The following CDKAL1 variants were observed in gnomAD, a reference collection of about 807,000 sequenced individuals.
CDKAL1 encodes the protein CDKAL1 threonylcarbamoyladenosine tRNA methylthiotransferase.
Under a neutral mutation model 68.2 loss-of-function variants are expected in CDKAL1, and 32 were observed. The observed-to-expected ratio is 0.47, with a 90% CI of 0.35 to 0.63. The LOEUF is 0.63. CDKAL1 is among the 30% of genes least tolerant of loss of function. The pLI is 0.00. For synonymous variants in CDKAL1, 234 were observed against 244.3 expected (o/e 0.96, Z 0.39); for missense variants, 606 against 696.7 (o/e 0.87, Z 1.47).
intron 9 of CDKAL1, among the ~76,000 whole-genome samples, chr6:20,877,653 GTTCA>G (rs1760593488): frequency 6.6e-6 from 1 of 152,176 alleles, no homozygotes; most frequent in Admixed American, 6.5e-5. Context: ...TTAGTTCTGT[GTTCA>G]TTTCTTACTC....
At chr6:20,735,577 G>C (rs1773155628) in intron 5 of CDKAL1, among the ~76,000 whole-genome samples, 1 of 152,190 alleles carries the variant, frequency 6.6e-6, no homozygotes, top group Non-Finnish European at 1.5e-5. Context: ...TGAGATTTGG[G>C]TGGGGACACA....
At chr6:20,839,270 G>C (rs67866855) in intron 8 of CDKAL1, among the ~76,000 whole-genome samples, 15,808 of 152,132 alleles carry the variant, frequency 0.1, 899 homozygotes, top group African/African-American at 0.13. Context: ...AAAATATAAT[G>C]AGATTTTTAT....
intron 11 of CDKAL1, among the ~76,000 whole-genome samples, chr6:21,033,201 G>A (rs903751226): frequency 2.6e-5 from 4 of 152,170 alleles, no homozygotes; most frequent in African/African-American, 7.2e-5. Context: ...TGTACTTGGG[G>A]TAGCAAATAA....
chr6:20,814,154 T>C (rs1375794585), intron 8 of CDKAL1, among the ~76,000 whole-genome samples: 1 of 152,130 alleles, frequency 6.6e-6, no homozygotes, highest in Non-Finnish European at 1.5e-5. Context: ...TCAAGTTTAC[T>C]CTTAACTATT....
chr6:21,176,435 G>GT (rs1251589596), intron 13 of CDKAL1, among the ~76,000 whole-genome samples: 3 of 152,256 alleles, frequency 2.0e-5, no homozygotes, highest in Non-Finnish European at 4.4e-5. Flanking sequence ...GGCAAGACAA[G>GT]TGAGTCTGCT....
At chr6:21,106,940 C>CTT (rs5874802) in intron 12 of CDKAL1, among the ~76,000 whole-genome samples, 28,786 of 117,138 alleles carry the variant, frequency 0.25, 4,269 homozygotes, top group South Asian at 0.32. Flanking sequence ...GAGAAAGCCA[C>CTT]TTTTTTTTTT....
At chr6:20,632,607 A>C (rs1458831966) in intron 4 of CDKAL1, among the ~76,000 whole-genome samples, 1 of 152,182 alleles carries the variant, frequency 6.6e-6, no homozygotes, top group Non-Finnish European at 1.5e-5. Flanking sequence ...GCTGACAACT[A>C]GTCTGTTTTT....
chr6:20,777,352 C>T (rs1321020687), intron 7 of CDKAL1, among the ~76,000 whole-genome samples: 1 of 152,176 alleles, frequency 6.6e-6, no homozygotes, highest in Admixed American at 6.5e-5. Context: ...GTGACTCATA[C>T]TTTTAATTCT....
At chr6:20,604,216 A>T (rs74622596) in intron 4 of CDKAL1, among the ~76,000 whole-genome samples, 1 of 152,114 alleles carries the variant, frequency 6.6e-6, no homozygotes. Context: ...TGGACCCATG[A>T]AAAGGTGGCT....
intron 7 of CDKAL1, among the ~76,000 whole-genome samples, chr6:20,768,488 C>T (rs1457266549): frequency 6.6e-6 from 1 of 152,148 alleles, no homozygotes; most frequent in Non-Finnish European, 1.5e-5. Context: ...TTTCCTTGTG[C>T]CCTCCTTCTT....
chr6:20,716,795 G>A (rs772108802), intron 5 of CDKAL1, among the ~76,000 whole-genome samples: 1 of 133,114 alleles, frequency 7.5e-6, no homozygotes, highest in Non-Finnish European at 1.5e-5. Context: ...CTGGAGTTTG[G>A]CATATAAATT....
chr6:20,634,682 T>C (rs1004607411), intron 4 of CDKAL1, among the ~76,000 whole-genome samples: 1 of 152,112 alleles, frequency 6.6e-6, no homozygotes, highest in African/African-American at 2.4e-5. Flanking sequence ...AAAGGAATGA[T>C]TAAACATGAT....
chr6:20,936,241 A>ATTTTTT (rs33911838), intron 9 of CDKAL1, among the ~76,000 whole-genome samples: 3 of 68,800 alleles, frequency 4.4e-5, no homozygotes, highest in Non-Finnish European at 7.6e-5. Flanking sequence ...GTGTCTCATA[A>ATTTTTT]TTTTTTTTTT....
At chr6:21,168,424 T>C (rs547535746) in intron 13 of CDKAL1, among the ~76,000 whole-genome samples, 1 of 152,354 alleles carries the variant, frequency 6.6e-6, no homozygotes, top group South Asian at 2.1e-4. Flanking sequence ...AGGTAACATA[T>C]GGAAGCTACA....
intron 8 of CDKAL1, among the ~76,000 whole-genome samples, chr6:20,808,182 C>T (rs567955416): frequency 1.4e-4 from 21 of 152,188 alleles, no homozygotes; most frequent in African/African-American, 3.9e-4. Flanking sequence ...GGGCATTTTA[C>T]CTTTGAACCC....
At chr6:21,043,259 GTTGA>G (rs1419839471) in intron 11 of CDKAL1, among the ~76,000 whole-genome samples, 1 of 152,116 alleles carries the variant, frequency 6.6e-6, no homozygotes, top group Non-Finnish European at 1.5e-5. Flanking sequence ...AATTGATGGT[GTTGA>G]TTAATTGAAT....
At chr6:20,621,962 C>T (rs1316489535) in intron 4 of CDKAL1, among the ~76,000 whole-genome samples, 1 of 151,918 alleles carries the variant, frequency 6.6e-6, no homozygotes, top group Non-Finnish European at 1.5e-5. Context: ...TTTAAACTCT[C>T]CCAGTGTCAG....
At position 20,699,412 on chromosome 6, in the gene CDKAL1, T is replaced by C. The variant is rs1771246561; in HGVS notation, c.372-40107T>C. On this transcript the variant is annotated intron_variant, in intron 5 of 15. Transcript: ENST00000274695. ...CCTGTCTGCCTCTGCCCTTGGTAAA[T>C]TTAGGGCAGAGGCAGACAGGTTTCT... Among the ~76,000 whole-genome samples, 5 of 151,044 alleles carry C rather than the reference T, an allele frequency of 3.3e-5. No homozygotes were observed. In the South Asian group the frequency reaches 1.0e-3, roughly 32 times the overall value.
intron 5 of CDKAL1, among the ~76,000 whole-genome samples, chr6:20,676,968 C>G (rs1051054847): frequency 6.6e-6 from 1 of 152,160 alleles, no homozygotes; most frequent in African/African-American, 2.4e-5. Flanking sequence ...TTAAGTGACA[C>G]ATGACTGTAT....
Sources: gnomAD v4.1 joint callset for allele counts (sites outside exome capture counted in the v4.1 genomes callset) on GRCh38, gnomAD v4.1.1 for gene constraint, MANE v1.5 for transcripts, NCBI Gene and HGNC (gene_info 2026-07-23, HGNC 2026-07-21) for gene names.